Variants in SRPRB observed in about 807,000 individuals in gnomAD.
SRPRB encodes SRP receptor subunit beta.
In SRPRB, 20 loss-of-function variants were observed where a neutral mutation model predicts 31.9. The observed-to-expected ratio is 0.63, with a 90% confidence interval of 0.44 to 0.91. SRPRB has a LOEUF of 0.91. Ranked by LOEUF, SRPRB falls within the 40% of genes least tolerant of loss-of-function variation. The pLI is 0.00. For synonymous variants in SRPRB, 146 were observed against 132.8 expected, an observed-to-expected ratio of 1.10 and a Z score of -0.68; for missense variants, 321 against 324.9, an observed-to-expected ratio of 0.99 and a Z score of 0.09.
chr3:133,821,322 G>A lies in SRPRB; in HGVS notation c.*1556G>A, dbSNP rs1935470546. 6.6e-6 allele frequency: 1 copy of A among 152,232 alleles called. No homozygotes were observed. Among genetic ancestry groups the A allele is most frequent in the African/African-American group, 2.4e-5 (1 of 41,460 alleles). 9.4% of individuals were successfully genotyped at this position (152,232 alleles called of 1,614,324 possible). Reference sequence around the variant, plus strand: ...CCTGACCCTGAGTCCTTACTTGAAAGCTGCTGCTGGTGTTCTGAGTGTCTT... The same window carrying A: ...CCTGACCCTGAGTCCTTACTTGAAAACTGCTGCTGGTGTTCTGAGTGTCTT... On this transcript the variant is annotated 3_prime_UTR_variant, in exon 7 of 7. Coordinates refer to ENST00000678299, the MANE Select transcript of SRPRB (RefSeq NM_001379313.1).
chr3:133,798,892 T>TA (rs1186053460), intron 1 of SRPRB, among the ~76,000 whole-genome samples: 1 of 151,956 alleles, frequency 6.6e-6, no homozygotes, highest in African/African-American at 2.4e-5. Flanking sequence ...TTAAAAACAT[T>TA]AAAAAAGAGA....
Position 133,806,668 on chromosome 3 carries a change from C to T in SRPRB, c.214C>T (p.Leu72Phe). 1 of 1,614,102 alleles carries T rather than the reference C, an allele frequency of 6.2e-7. No individual in the cohort carries two copies. The highest frequency in any genetic ancestry group is 8.5e-7 in the Non-Finnish European group (1 of 1,179,976). Residue 72 changes from leucine (L) to phenylalanine (F), a missense_variant, in exon 2 of 7, where the codon CTT (leucine) becomes TTT (phenylalanine). Physicochemically the swap from Leu to Phe is conservative, Grantham distance 22 (BLOSUM62 0). Transcript: ENST00000678299. ...TCAGAGAGCTGTTCTTCTTGTTGGCCTTTGTGATTCCGGGAAAACGTTGCT... is the reference window on the plus strand; with the variant it reads ...TCAGAGAGCTGTTCTTCTTGTTGGCTTTTGTGATTCCGGGAAAACGTTGCT... The part of the protein sequence containing the change: ...SSQRAVLLVG[L>F]CDSGKTLLFV...
At chr3:133,827,066 T>G (rs1362201360), downstream of SRPRB, 1 of 152,682 alleles carries the variant, frequency 6.5e-6, no homozygotes, top group South Asian at 2.1e-4. Context: ...TGAAGATAAA[T>G]TCCTTGCTAG....
chr3:133,813,703 C>T (rs568292992), intron 4 of SRPRB, among the ~76,000 whole-genome samples: 50 of 152,076 alleles, frequency 3.3e-4, no homozygotes, highest in Non-Finnish European at 6.3e-4. Flanking sequence ...AGTTATTCTC[C>T]CTCATAATTA....
intron 6 of SRPRB, among the ~76,000 whole-genome samples, chr3:133,819,250 G>T (rs1454923678): frequency 6.6e-6 from 1 of 151,946 alleles, no homozygotes; most frequent in Admixed American, 6.6e-5. Flanking sequence ...TTTTTAGACG[G>T]CTTCATTCAG....
At chr3:133,798,958 C>A (rs1051876474) in intron 1 of SRPRB, among the ~76,000 whole-genome samples, 6 of 151,776 alleles carry the variant, frequency 4.0e-5, no homozygotes, top group African/African-American at 1.5e-4. Context: ...CTAGATAACA[C>A]ACATAGAGCC....
chr3:133,805,060 C>G (rs1935124783), upstream of SRPRB, among the ~76,000 whole-genome samples: 1 of 152,188 alleles, frequency 6.6e-6, no homozygotes, highest in Non-Finnish European at 1.5e-5. Flanking sequence ...ACTGGAAGAA[C>G]CGGCCACCCA....
At chr3:133,807,249 ATTT>A (rs60049102) in intron 2 of SRPRB, among the ~76,000 whole-genome samples, 10 of 114,618 alleles carry the variant, frequency 8.7e-5, no homozygotes, top group South Asian at 2.9e-4. Flanking sequence ...AAATACCTCC[ATTT>A]TTTTTTTTTT....
At chr3:133,817,985 T>C (rs1239739603) in intron 6 of SRPRB, among the ~76,000 whole-genome samples, 5 of 152,214 alleles carry the variant, frequency 3.3e-5, no homozygotes, top group Non-Finnish European at 7.3e-5. Flanking sequence ...ATATTTAATT[T>C]CTGGCTCTTT....
At chr3:133,796,042 T>C (rs1314682926) in intron 1 of SRPRB, 1 of 152,512 alleles carries the variant, frequency 6.6e-6, no homozygotes, top group Non-Finnish European at 1.5e-5. Flanking sequence ...GTTTTGTTTT[T>C]CTCCTACAAA....
At chr3:133,808,947 C>T (rs575190520) in intron 3 of SRPRB, among the ~76,000 whole-genome samples, 1 of 150,946 alleles carries the variant, frequency 6.6e-6, no homozygotes, top group South Asian at 2.1e-4. Context: ...ACCTCTGTAA[C>T]TTCAGAATGT....
At chr3:133,809,112 C>T (rs886936188) in intron 3 of SRPRB, among the ~76,000 whole-genome samples, 1 of 151,892 alleles carries the variant, frequency 6.6e-6, no homozygotes, top group Non-Finnish European at 1.5e-5. Flanking sequence ...CCTGCCTCAG[C>T]CTCCTGAGTA....
At chr3:133,796,505 A>T (rs1018717135) in intron 1 of SRPRB, 3 of 152,298 alleles carry the variant, frequency 2.0e-5, no homozygotes, top group African/African-American at 7.2e-5. Flanking sequence ...TACACTGAGT[A>T]ACCAATGGAA....
chr3:133,798,682 T>C (rs1013902697), intron 1 of SRPRB, among the ~76,000 whole-genome samples: 2 of 152,188 alleles, frequency 1.3e-5, no homozygotes, highest in Non-Finnish European at 2.9e-5. Context: ...TAAATATTCA[T>C]GATGTGTAAA....
chr3:133,819,825 G>A lies in SRPRB; in HGVS notation c.*59G>A, dbSNP rs1358199461. 4.6e-6 allele frequency: 7 copies of A among 1,505,998 alleles called. No individual in the cohort carries two copies. Among genetic ancestry groups the A allele is most frequent in the South Asian group, 1.2e-5 (1 of 84,752 alleles). 93.3% of individuals were successfully genotyped at this position (1,505,998 alleles called of 1,614,324 possible). ...GACACACAGTTTTGGAAAAAGGTCT[G>A]TGGTAGTCTGGAGTTGATGAGGAAG... On this transcript the variant is annotated 3_prime_UTR_variant, in exon 7 of 7. Transcript: ENST00000678299.
In SRPRB at chr3:133,817,673, G is replaced by A. The variant is rs116180830; in HGVS notation, c.602+741G>A. On this transcript the variant is annotated intron_variant, in intron 6 of 6. Coordinates refer to ENST00000678299, the MANE Select transcript of SRPRB (RefSeq NM_001379313.1). ...TGTTTTCTTATTGCTTTTGTGTAAGGCCTTGAAAAGGATCTGATGAGGAAA... is the reference window on the plus strand; with the variant it reads ...TGTTTTCTTATTGCTTTTGTGTAAGACCTTGAAAAGGATCTGATGAGGAAA... Among the ~76,000 whole-genome samples, 554 of 152,290 alleles carry A rather than the reference G, an allele frequency of 3.6e-3. 3 individuals carry two copies. Among genetic ancestry groups the A allele is most frequent in the African/African-American group, 0.013 (525 of 41,544 alleles).
upstream of SRPRB, chr3:133,805,664 A>G (rs1935137339): frequency 3.2e-6 from 2 of 621,836 alleles, no homozygotes; most frequent in Non-Finnish European, 2.5e-6. Context: ...GTCTGCCCCT[A>G]TCGTTCTGTA....
At chr3:133,798,842 T>C (rs183479864) in intron 1 of SRPRB, among the ~76,000 whole-genome samples, 32 of 152,280 alleles carry the variant, frequency 2.1e-4, no homozygotes, top group Admixed American at 1.1e-3. Context: ...TTTTCCAGTT[T>C]CCTAAAATGC....
chr3:133,827,399 T>C (rs1391882593), downstream of SRPRB: 1 of 154,082 alleles, frequency 6.5e-6, no homozygotes, highest in African/African-American at 2.4e-5. Context: ...CTGAGTCTAT[T>C]TGGAATGCTG....
Sources: allele counts gnomAD v4.1 joint callset (sites outside exome capture counted in the v4.1 genomes callset), GRCh38; gene constraint gnomAD v4.1.1; transcripts MANE v1.5; gene names NCBI Gene and HGNC (gene_info 2026-07-23, HGNC 2026-07-21).